Variants in CDH12 observed in about 807,000 individuals in gnomAD.
The protein encoded by CDH12 is cadherin 12.
A neutral mutation model predicts 74.1 loss-of-function variants in CDH12; 41 were observed. The observed-to-expected ratio is 0.55, with a 90% CI of 0.43 to 0.72. The LOEUF (loss-of-function observed/expected upper bound fraction) is 0.72. CDH12 is among the 30% of genes least tolerant of loss of function. The pLI is 0.00. For synonymous variants in CDH12, 399 were observed against 355.0 expected, an observed-to-expected ratio of 1.12 and a Z score of -1.39; for missense variants, 945 against 977.2, an observed-to-expected ratio of 0.97 and a Z score of 0.44.
chr5:22,338,718 A>T (rs1296610678), intron 3 of CDH12, among the ~76,000 whole-genome samples: 1 of 152,214 alleles, frequency 6.6e-6, no homozygotes, highest in Non-Finnish European at 1.5e-5. Flanking sequence ...CAAAATTTTT[A>T]AAATTTAAAC....
At chr5:22,436,601 T>C (rs1259954358) in intron 2 of CDH12, among the ~76,000 whole-genome samples, 2 of 151,982 alleles carry the variant, frequency 1.3e-5, no homozygotes, top group Non-Finnish European at 2.9e-5. Flanking sequence ...TCCCCTGTCT[T>C]GAGAAATCAG....
intron 3 of CDH12, among the ~76,000 whole-genome samples, chr5:22,290,785 A>G (rs942662228): frequency 5.9e-5 from 9 of 152,294 alleles, no homozygotes; most frequent in Middle Eastern, 3.4e-3. Context: ...AATACATGCA[A>G]CCTACCAAGA....
At chr5:22,747,623 A>AAG (rs1561001870) in intron 1 of CDH12, among the ~76,000 whole-genome samples, 1 of 150,766 alleles carries the variant, frequency 6.6e-6, no homozygotes, top group Non-Finnish European at 1.5e-5. Context: ...AAAAAAAAAA[A>AAG]AGAGAAGAAA....
intron 3 of CDH12, among the ~76,000 whole-genome samples, chr5:22,313,599 T>C (rs1738479866): frequency 6.6e-6 from 1 of 152,088 alleles, no homozygotes; most frequent in Admixed American, 6.6e-5. Flanking sequence ...GATTAATCTG[T>C]GGATAAAGAA....
At chr5:22,055,129 T>C (rs1248839282) in intron 5 of CDH12, among the ~76,000 whole-genome samples, 1 of 152,198 alleles carries the variant, frequency 6.6e-6, no homozygotes, top group Non-Finnish European at 1.5e-5. Flanking sequence ...GGAGCAGCTC[T>C]AGCCTTGGAA....
chr5:21,756,304 T>C (rs1345181769), intron 13 of CDH12, among the ~76,000 whole-genome samples: 1 of 152,112 alleles, frequency 6.6e-6, no homozygotes, highest in Non-Finnish European at 1.5e-5. Context: ...TATATGTATA[T>C]ATGTTTATAA....
At chr5:22,754,148 C>T (rs1052084982) in intron 1 of CDH12, among the ~76,000 whole-genome samples, 3 of 152,134 alleles carry the variant, frequency 2.0e-5, no homozygotes, top group African/African-American at 4.8e-5. Context: ...ACCTAAACAA[C>T]GAACATCATA....
chr5:22,251,814 T>C (rs1169405246), intron 3 of CDH12, among the ~76,000 whole-genome samples: 4 of 152,150 alleles, frequency 2.6e-5, no homozygotes, highest in Non-Finnish European at 5.9e-5. Flanking sequence ...AAGTATTACT[T>C]ACACGAAAAA....
intron 2 of CDH12, among the ~76,000 whole-genome samples, chr5:22,432,046 G>A (rs1221847614): frequency 6.6e-6 from 1 of 152,126 alleles, no homozygotes; most frequent in Non-Finnish European, 1.5e-5. Flanking sequence ...CTCATGGTGA[G>A]TGAATGGTGA....
At chr5:22,789,741 T>G (rs1747816912) in intron 1 of CDH12, among the ~76,000 whole-genome samples, 1 of 151,976 alleles carries the variant, frequency 6.6e-6, no homozygotes, top group Non-Finnish European at 1.5e-5. Context: ...GGAGATTTCT[T>G]TTTTAAATAT....
intron 1 of CDH12, among the ~76,000 whole-genome samples, chr5:22,511,212 T>C (rs1225976517): frequency 6.6e-6 from 1 of 152,034 alleles, no homozygotes; most frequent in Non-Finnish European, 1.5e-5. Flanking sequence ...ATAATTTTTA[T>C]GAAATAGGAA....
At chr5:21,875,097 C>G (rs1336533713) in intron 6 of CDH12, among the ~76,000 whole-genome samples, 3 of 152,166 alleles carry the variant, frequency 2.0e-5, no homozygotes, top group Non-Finnish European at 4.4e-5. Flanking sequence ...GTTGAGGTTG[C>G]AGAGAAATAG....
intron 1 of CDH12, among the ~76,000 whole-genome samples, chr5:22,728,539 A>G (rs1311515207): frequency 6.6e-6 from 1 of 151,932 alleles, no homozygotes; most frequent in Non-Finnish European, 1.5e-5. Flanking sequence ...AAATTATTCA[A>G]GGAAAAAAAT....
intron 3 of CDH12, among the ~76,000 whole-genome samples, chr5:22,355,519 A>AT (rs1214371527): frequency 3.2e-3 from 111 of 34,608 alleles, no homozygotes; most frequent in Admixed American, 0.025. Context: ...TTCCTTAAAA[A>AT]AAAAATATAT....
intron 3 of CDH12, among the ~76,000 whole-genome samples, chr5:22,234,956 TA>T (rs1282863273): frequency 1.3e-5 from 2 of 152,132 alleles, no homozygotes; most frequent in African/African-American, 4.8e-5. Flanking sequence ...ACAATTCAAT[TA>T]AAAACCTGAT....
At chr5:22,057,538 G>A (rs1740826367) in intron 5 of CDH12, among the ~76,000 whole-genome samples, 1 of 152,122 alleles carries the variant, frequency 6.6e-6, no homozygotes, top group Non-Finnish European at 1.5e-5. Flanking sequence ...GAGGGATGGG[G>A]GAAAGGAACA....
intron 11 of CDH12, among the ~76,000 whole-genome samples, chr5:21,771,882 C>A (rs1745341847): frequency 6.6e-6 from 1 of 152,124 alleles, no homozygotes; most frequent in Admixed American, 6.5e-5. Context: ...TCTGTCGTGT[C>A]ATGTGATGTC....
At chr5:21,875,029 T>C (rs1187073003) in intron 6 of CDH12, among the ~76,000 whole-genome samples, 2 of 152,072 alleles carry the variant, frequency 1.3e-5, no homozygotes, top group Admixed American at 6.6e-5. Flanking sequence ...CACTATGAGA[T>C]AGCATCTCAC....
chr5:22,732,538 C>T (rs1744486443), intron 1 of CDH12, among the ~76,000 whole-genome samples: 1 of 151,310 alleles, frequency 6.6e-6, no homozygotes, highest in South Asian at 2.1e-4. Context: ...CAGAGTATGC[C>T]ATTCACTGAA....
Sources: allele counts gnomAD v4.1 joint callset (sites outside exome capture counted in the v4.1 genomes callset), GRCh38; gene constraint gnomAD v4.1.1; transcripts MANE v1.5; gene names NCBI Gene and HGNC (gene_info 2026-07-23, HGNC 2026-07-21).